HTR4: variants seen among roughly 807,000 people sequenced by gnomAD.
HTR4 encodes 5-hydroxytryptamine receptor 4, also known as 5-hydroxytryptamine (serotonin) receptor 4, G protein-coupled.
HTR4 carries 16 observed loss-of-function variants against 36.8 expected under a neutral mutation model. The ratio of observed to expected loss-of-function variants is 0.43; its 90% CI spans 0.29 to 0.66. The LOEUF is 0.66. Ranked by LOEUF, HTR4 falls within the 30% of genes least tolerant of loss-of-function variation. HTR4 has a pLI of 0.13. For synonymous variants in HTR4, 189 were observed against 185.1 expected, an observed-to-expected ratio of 1.02 and a Z score of -0.17; for missense variants, 438 against 490.9, an observed-to-expected ratio of 0.89 and a Z score of 1.02.
chr5:148,456,742 G>C (rs1019158715), intron 5 of HTR4, among the ~76,000 whole-genome samples: 2 of 152,212 alleles, frequency 1.3e-5, no homozygotes, highest in African/African-American at 2.4e-5. Context: ...AGGTTCTTGA[G>C]GCAGAATGCC....
chr5:148,569,792 A>G (rs993707734), intron 2 of HTR4, among the ~76,000 whole-genome samples: 1 of 152,062 alleles, frequency 6.6e-6, no homozygotes, highest in Admixed American at 6.6e-5. Context: ...CATATTTAAT[A>G]TAAGTAGATC....
At chr5:148,521,721 G>A (rs1758030147) in intron 5 of HTR4, among the ~76,000 whole-genome samples, 1 of 152,078 alleles carries the variant, frequency 6.6e-6, no homozygotes, top group South Asian at 2.1e-4. Context: ...CCTGGCATAT[G>A]TTGCATGCCC....
At chr5:148,472,032 T>C (rs9325099), downstream of HTR4, among the ~76,000 whole-genome samples, 6,213 of 152,266 alleles carry the variant, frequency 0.041, 429 homozygotes, top group African/African-American at 0.14. Context: ...CACATAGGGT[T>C]CCACTCACCA....
At chr5:148,647,239 G>A (rs1269949538) in intron 1 of HTR4, among the ~76,000 whole-genome samples, 1 of 152,164 alleles carries the variant, frequency 6.6e-6, no homozygotes, top group Non-Finnish European at 1.5e-5. Flanking sequence ...TTCTCAGTCT[G>A]TCATTTTCAT....
chr5:148,623,995 C>T (rs1435545850), intron 2 of HTR4, among the ~76,000 whole-genome samples: 3 of 152,156 alleles, frequency 2.0e-5, no homozygotes, highest in Admixed American at 6.5e-5. Context: ...ATGATATAGA[C>T]GTTCCTTCTT....
intron 2 of HTR4, among the ~76,000 whole-genome samples, chr5:148,600,976 C>CAAAA (rs58003522): frequency 1.3e-3 from 17 of 13,552 alleles, no homozygotes; most frequent in Non-Finnish European, 1.7e-3. Context: ...AACTCAATAG[C>CAAAA]AAAAAAAAAA....
rs568918422 is a variant in HTR4, at chr5:148,589,903, T to C, written c.27-39641A>G. On this transcript the variant is annotated intron_variant, in intron 2 of 6. Coordinates refer to ENST00000377888, the MANE Select transcript of HTR4 (RefSeq NM_000870.7). Reference sequence around the variant, plus strand: ...CAATTTTTAAGTATACAATCCACTATTATTAATCGTAGTCACCATGCTGTC... The same window carrying C: ...CAATTTTTAAGTATACAATCCACTACTATTAATCGTAGTCACCATGCTGTC... Among the ~76,000 whole-genome samples, 704 of 152,246 alleles carry C rather than the reference T, an allele frequency of 4.6e-3. 6 individuals are homozygous for C. The highest frequency in any genetic ancestry group is 4.3e-3 in the Non-Finnish European group (295 of 68,020).
intron 6 of HTR4, among the ~76,000 whole-genome samples, chr5:148,489,405 A>G (rs1047822191): frequency 3.3e-5 from 5 of 152,150 alleles, no homozygotes; most frequent in African/African-American, 1.2e-4. Flanking sequence ...TCAACCCCTA[A>G]ACAGTGCTCT....
chr5:148,643,020 T>C (rs770277367), intron 1 of HTR4, among the ~76,000 whole-genome samples: 3 of 152,218 alleles, frequency 2.0e-5, no homozygotes, highest in Non-Finnish European at 2.9e-5. Flanking sequence ...GTAGTAAAAA[T>C]GTCATTTGAA....
rs1755924931 is a variant in HTR4, at chr5:148,482,317, AGC to A, written c.*884_*885del. The A allele has an allele frequency of 5.1e-6, 5 of 985,540 alleles. No homozygotes were observed. The South Asian group carries it at 2.3e-4, about 46-fold the overall frequency. The allele number at this position is 985,540 out of a possible 1,614,324, so 61.0% of individuals were successfully genotyped here. On this transcript the variant is annotated 3_prime_UTR_variant, in exon 7 of 7. Coordinates refer to ENST00000377888, the MANE Select transcript of HTR4 (RefSeq NM_000870.7). The stretch of plus-strand genomic sequence containing the variant: ...CACAAGTTCATGGGAAAGATCCTGA[AGC>A]CTAATAAACACCTACGATGTTGCTA...
At chr5:148,498,696 T>G (rs1046334988) in intron 6 of HTR4, among the ~76,000 whole-genome samples, 4 of 152,106 alleles carry the variant, frequency 2.6e-5, no homozygotes, top group African/African-American at 9.7e-5. Flanking sequence ...AATGCCCAAG[T>G]TGAAGAAATG....
At chr5:148,478,545 C>G (rs190283317), downstream of HTR4, among the ~76,000 whole-genome samples, 439 of 152,244 alleles carry the variant, frequency 2.9e-3, 2 homozygotes, top group African/African-American at 0.01. Flanking sequence ...ATTATGAACA[C>G]CGCCTCAGAA....
intron 3 of HTR4, 96 bp downstream of exon 3, chr5:148,550,041 T>C (rs1274249542): frequency 3.1e-6 from 4 of 1,290,224 alleles, no homozygotes; most frequent in East Asian, 2.5e-5. Context: ...GTTTTCTTTC[T>C]TAATTACAAA....
rs115943276 is a variant in HTR4 at position 148,631,219 on chromosome 5, T to C, written c.26+5770A>G. 8.9e-3 allele frequency among the ~76,000 whole-genome samples: 1,362 copies of C among 152,300 alleles called. 26 individuals carry two copies. Among genetic ancestry groups the C allele is most frequent in the African/African-American group, 0.031 (1,303 of 41,578 alleles). On this transcript the variant is annotated intron_variant, in intron 2 of 6. Coordinates refer to ENST00000377888, the MANE Select transcript of HTR4 (RefSeq NM_000870.7). ...CACTGTATTCCTGATCTAATCAAAGTACTAACTGAATAGTCACCATTTTGT... is the reference window on the plus strand; with the variant it reads ...CACTGTATTCCTGATCTAATCAAAGCACTAACTGAATAGTCACCATTTTGT...
intron 5 of HTR4, among the ~76,000 whole-genome samples, chr5:148,520,468 T>C (rs924836783): frequency 6.6e-6 from 1 of 151,894 alleles, no homozygotes. Context: ...CTTCCAAAGA[T>C]CTTCTCCATT....
chr5:148,461,134 G>C (rs1755269057), intron 5 of HTR4, among the ~76,000 whole-genome samples: 5 of 152,052 alleles, frequency 3.3e-5, no homozygotes, highest in Admixed American at 2.6e-4. Context: ...AAACTGATAT[G>C]ATAGAAAAGA....
In HTR4 at chr5:148,605,763, C is replaced by G. The variant is rs1034032654; in HGVS notation, c.26+31226G>C. On this transcript the variant is annotated intron_variant, in intron 2 of 6. Coordinates refer to ENST00000377888, the MANE Select transcript of HTR4 (RefSeq NM_000870.7). ...TCTGTGATTTAAAAAAAAAAAAAAT[C>G]GGAAAACAAATCAACCCAGACTGTT... 2.6e-5 allele frequency among the ~76,000 whole-genome samples: 4 copies of G among 151,284 alleles called. No individual in the cohort carries two copies. In the East Asian group the frequency reaches 7.7e-4, roughly 29 times the overall value.
At chr5:148,639,486 C>T (rs1205454174) in intron 1 of HTR4, among the ~76,000 whole-genome samples, 2 of 151,912 alleles carry the variant, frequency 1.3e-5, no homozygotes, top group Non-Finnish European at 2.9e-5. Context: ...AGATTACTCT[C>T]TCACTTCCTT....
At chr5:148,647,920 T>C (rs536846852) in intron 1 of HTR4, among the ~76,000 whole-genome samples, 32 of 152,288 alleles carry the variant, frequency 2.1e-4, no homozygotes, top group African/African-American at 6.3e-4. Flanking sequence ...CCAGCCCAAT[T>C]ACCACCTCAT....
Sources: allele counts gnomAD v4.1 joint callset (sites outside exome capture counted in the v4.1 genomes callset), GRCh38; gene constraint gnomAD v4.1.1; transcripts MANE v1.5; gene names NCBI Gene and HGNC (gene_info 2026-07-23, HGNC 2026-07-21).